Variants in QSER1 observed in about 807,000 individuals in gnomAD.
QSER1 encodes the protein glutamine and serine-rich protein 1.
In QSER1, 49 loss-of-function variants were observed where a neutral mutation model predicts 158.5. That is an observed-to-expected ratio of 0.31 (90% CI 0.25 to 0.39). The LOEUF (loss-of-function observed/expected upper bound fraction) is 0.39. Among genes scored for constraint, QSER1 ranks in the 10% least tolerant of loss-of-function variants. The pLI is 1.00. For missense variants in QSER1, 1,754 were observed against 2,010.3 expected (o/e 0.87, Z 2.44); for synonymous variants, 650 against 715.5 (o/e 0.91, Z 1.46).
rs564277686 is a variant in QSER1, at chr11:32,948,753, T to C, written c.4178-5104T>C. Among the ~76,000 whole-genome samples the C allele has an allele frequency of 2.0e-5, 3 of 152,356 alleles. No individual in the cohort carries two copies. In the South Asian group the frequency reaches 6.2e-4, roughly 32 times the overall value. ...ATACATTCTTTTTTTAAAAAAATTT[T>C]GCTTTTTTCATAGAAATTTTCAAAC... On this transcript the variant is annotated intron_variant, in intron 4 of 12. Transcript: ENST00000650167.
At chr11:32,945,385 T>C (rs1437989764) in intron 4 of QSER1, among the ~76,000 whole-genome samples, 1 of 151,768 alleles carries the variant, frequency 6.6e-6, no homozygotes, top group East Asian at 1.9e-4. Flanking sequence ...CGGTTGTTCC[T>C]TTCCATGTTT....
rs1345649982 is a variant in QSER1 at position 32,977,813 on chromosome 11, T to G, written c.*1339T>G. 1 of 152,636 alleles carries G rather than the reference T, an allele frequency of 6.6e-6. No individual in the cohort carries two copies. The highest frequency in any genetic ancestry group is 1.5e-5 in the Non-Finnish European group (1 of 68,014). 9.5% of individuals were successfully genotyped at this position (152,636 alleles called of 1,614,324 possible). A position where few individuals can be genotyped will look rare whatever the true frequency, so the allele number is the denominator to read the frequency against. On this transcript the variant is annotated 3_prime_UTR_variant, in exon 13 of 13. Transcript: ENST00000650167. ...TTCTAAACTATCTCCTTTTTTAGGATTCTAAAGAAGTTAATCATCATCCTT... is the reference window on the plus strand; with the variant it reads ...TTCTAAACTATCTCCTTTTTTAGGAGTCTAAAGAAGTTAATCATCATCCTT...
chr11:32,897,433 T>G (rs1328335598), intron 1 of QSER1, among the ~76,000 whole-genome samples: 1 of 152,234 alleles, frequency 6.6e-6, no homozygotes, highest in Non-Finnish European at 1.5e-5. Flanking sequence ...TATCCTTATT[T>G]AAGTGTTCTT....
rs528549959 is a variant in QSER1, at chr11:32,954,150, G to A, written c.4471G>A (p.Val1491Ile). 1 of 1,613,642 alleles carries A rather than the reference G, an allele frequency of 6.2e-7. No individual in the cohort carries two copies. Among genetic ancestry groups the A allele is most frequent in the Admixed American group, 1.7e-5 (1 of 60,026 alleles). The change falls in exon 5 of 13, where the codon GTA becomes ATA. Residue 1491 changes from valine (V) to isoleucine (I), a missense_variant. Coordinates refer to ENST00000650167, the MANE Select transcript of QSER1 (RefSeq NM_001076786.3). The part of the protein sequence containing the change: ...GQYRERDEFV[V>I]KIEDIETFKE... ...ATACAGAGAGCGTGATGAATTTGTG[G>A]TAAAGATAGAAGACATAGAGACTTT...
intron 9 of QSER1, among the ~76,000 whole-genome samples, chr11:32,966,676 C>A (rs1390898914): frequency 6.6e-6 from 1 of 152,058 alleles, no homozygotes; most frequent in African/African-American, 2.4e-5. Context: ...CCAGTTTCTT[C>A]CAATTCTAGA....
chr11:32,896,464 C>T (rs987838773), intron 1 of QSER1, among the ~76,000 whole-genome samples: 5 of 152,150 alleles, frequency 3.3e-5, no homozygotes, highest in Non-Finnish European at 7.3e-5. Flanking sequence ...AAGCAGTTCT[C>T]CTGCCTCAGC....
intron 4 of QSER1, among the ~76,000 whole-genome samples, chr11:32,935,811 TTA>T (rs1422577644): frequency 6.6e-6 from 1 of 152,224 alleles, no homozygotes; most frequent in Non-Finnish European, 1.5e-5. Context: ...TTAAATATGG[TTA>T]TGTTTAAATA....
chr11:32,975,288 T>C lies in QSER1; in HGVS notation c.5399T>C (p.Leu1800Ser). ...CCAGAGAAAATACAGTTGTATTCTT[T>C]GTATCATTCACTCCATCATTATAAG... ...VDPEKIQLYS[L>S]YHSLHHYKYH... The change falls in exon 12 of 13, where the codon TTG becomes TCG. Residue 1800 changes from leucine (L) to serine (S), a missense_variant. Coordinates refer to ENST00000650167, the MANE Select transcript of QSER1 (RefSeq NM_001076786.3). 1 of 1,596,394 alleles carries C rather than the reference T, an allele frequency of 6.3e-7. No individual in the cohort carries two copies. Among genetic ancestry groups the C allele is most frequent in the Non-Finnish European group, 8.6e-7 (1 of 1,168,482 alleles).
chr11:32,975,320 G>C lies in QSER1; in HGVS notation c.5431G>C (p.Val1811Leu). ...YHSLHHYKYH[V>L]YLICKDEISS... is the part of the protein sequence containing the mutation. ...TTCACTCCATCATTATAAGTACCAT[G>C]TTTATCTGATATGTAAGGATGAGGT... The change falls in exon 12 of 13, where the codon GTT becomes CTT. Residue 1811 changes from valine to leucine, a missense_variant. Val to Leu is a conservative substitution (Grantham distance 32). This residue lies in a region of QSER1 where 47 missense variants were observed against 90.7 expected (regional missense o/e 0.52). Transcript: ENST00000650167. 6.3e-7 allele frequency: 1 copy of C among 1,596,318 alleles called. No homozygotes were observed. The highest frequency in any genetic ancestry group is 8.6e-7 in the Non-Finnish European group (1 of 1,164,878).
chr11:32,953,832 T>G, intron 4 of QSER1, 25 bp from the exon 5 acceptor site: 3 of 1,580,792 alleles, frequency 1.9e-6, no homozygotes, highest in Non-Finnish European at 2.6e-6. Context: ...TAATACTGAT[T>G]TGCATTTGCT....
chr11:32,956,009 G>T lies in QSER1; in HGVS notation c.4639G>T (p.Ala1547Ser), dbSNP rs1852504349. The change falls in exon 7 of 13, where the codon GCA becomes TCA. Residue 1547 changes from alanine to serine, a missense_variant. This residue lies in a region of QSER1 where 1,707 missense variants were observed against 1,919.6 expected (regional missense o/e 0.89). Transcript: ENST00000650167. ...TNSYLGYFGDAKSKYKRIYVK... is the reference protein window; with the variant it reads ...TNSYLGYFGDSKSKYKRIYVK... ...TCAGTATCTTGGATATTTTGGAGAT[G>T]CAAAGAGTAAATACAAAAGAATATA... 6.2e-6 allele frequency: 10 copies of T among 1,606,424 alleles called. No individual in the cohort carries two copies. Among genetic ancestry groups the T allele is most frequent in the Non-Finnish European group, 6.8e-6 (8 of 1,174,568 alleles).
At position 32,978,755 on chromosome 11, in the gene QSER1, G is replaced by T. The variant is rs1564952283; in HGVS notation, c.*2281G>T. ...CTCAAAGAGACCCTATTGTGTAGAT[G>T]CATCATCTTCTCTCATTTGATCCAT... On this transcript the variant is annotated 3_prime_UTR_variant, in exon 13 of 13. Transcript: ENST00000650167. 1 of 150,836 alleles carries T rather than the reference G, an allele frequency of 6.6e-6. No individual in the cohort carries two copies. Among genetic ancestry groups the T allele is most frequent in the Non-Finnish European group, 1.5e-5 (1 of 67,660 alleles). 9.3% of individuals were successfully genotyped at this position (150,836 alleles called of 1,614,324 possible).
chr11:32,942,734 A>G (rs1852262364), intron 4 of QSER1, among the ~76,000 whole-genome samples: 1 of 152,162 alleles, frequency 6.6e-6, no homozygotes, highest in Admixed American at 6.5e-5. Context: ...TTGGTTCCAT[A>G]TGAACTTTAA....
At chr11:32,901,591 A>G (rs544801967) in intron 1 of QSER1, among the ~76,000 whole-genome samples, 34 of 152,326 alleles carry the variant, frequency 2.2e-4, no homozygotes, top group African/African-American at 7.9e-4. Flanking sequence ...CTGGGCCTTG[A>G]ACTGGCACAG....
chr11:32,914,237 G>A (rs986622220), intron 1 of QSER1, among the ~76,000 whole-genome samples: 1 of 152,074 alleles, frequency 6.6e-6, no homozygotes. Context: ...AGAACATTAG[G>A]CTTTATAAGT....
At chr11:32,963,065 A>G (rs1245833098) in intron 8 of QSER1, among the ~76,000 whole-genome samples, 6 of 152,228 alleles carry the variant, frequency 3.9e-5, no homozygotes, top group African/African-American at 1.4e-4. Context: ...CTGCTATTTC[A>G]TCACACAGAA....
At chr11:32,950,859 C>T (rs1331948876) in intron 4 of QSER1, among the ~76,000 whole-genome samples, 1 of 152,096 alleles carries the variant, frequency 6.6e-6, no homozygotes, top group Non-Finnish European at 1.5e-5. Context: ...TATCTGATTC[C>T]TTTTTATTCC....
At chr11:32,904,621 T>G (rs1479667204) in intron 1 of QSER1, among the ~76,000 whole-genome samples, 1 of 146,532 alleles carries the variant, frequency 6.8e-6, no homozygotes, top group South Asian at 2.1e-4. Flanking sequence ...TTTTTTTTTT[T>G]GCAGAACCAT....
In QSER1 at chr11:32,904,790, T is replaced by C. The variant is rs1851671294; in HGVS notation, c.209+11456T>C. Among the ~76,000 whole-genome samples, 2 of 152,156 alleles carry C rather than the reference T, an allele frequency of 1.3e-5. 1 individual carries two copies. Among genetic ancestry groups the C allele is most frequent in the South Asian group, 4.2e-4 (2 of 4,816 alleles). On this transcript the variant is annotated intron_variant, in intron 1 of 12. Transcript: ENST00000650167. ...CCTCATGTTGATCAGTGGCCTCTGC[T>C]AGTACCCTCAAAAGAATGGTATGCA...
Sources: allele counts gnomAD v4.1 joint callset (sites outside exome capture counted in the v4.1 genomes callset), GRCh38; gene constraint gnomAD v4.1.1; regional missense constraint gnomAD v4.1.1; transcripts MANE v1.5; gene names NCBI Gene and HGNC (gene_info 2026-07-23, HGNC 2026-07-21).